GRK3: variants seen among roughly 807,000 people sequenced by gnomAD.
GRK3 encodes the protein G protein-coupled receptor kinase 3.
In GRK3, 54 loss-of-function variants were observed where a neutral mutation model predicts 95.7. The observed-to-expected ratio is 0.56, with a 90% confidence interval of 0.45 to 0.71. The LOEUF (loss-of-function observed/expected upper bound fraction) is 0.71. GRK3 is among the 30% of genes least tolerant of loss of function. The pLI, the probability that GRK3 is intolerant of heterozygous loss-of-function variation, is 0.00. For missense variants in GRK3, 649 were observed against 851.2 expected (o/e 0.76, Z 2.96); for synonymous variants, 281 against 290.8 (o/e 0.97, Z 0.34).
intron 5 of GRK3, among the ~76,000 whole-genome samples, chr22:25,666,215 G>A (rs748998958): frequency 2.5e-4 from 38 of 152,128 alleles, no homozygotes; most frequent in Admixed American, 3.3e-4. Flanking sequence ...TACTTTATTA[G>A]CAGAAAGTAG....
At chr22:25,568,422 A>G (rs1456823507) in intron 1 of GRK3, among the ~76,000 whole-genome samples, 3 of 152,156 alleles carry the variant, frequency 2.0e-5, no homozygotes, top group Non-Finnish European at 4.4e-5. Context: ...ATTTCTATTT[A>G]CTGGACATTT....
At chr22:25,701,582 C>T (rs1014763429) in intron 13 of GRK3, among the ~76,000 whole-genome samples, 3 of 152,166 alleles carry the variant, frequency 2.0e-5, no homozygotes, top group Non-Finnish European at 4.4e-5. Flanking sequence ...CAAGTCCCCT[C>T]GCAAGCCTCC....
intron 6 of GRK3, among the ~76,000 whole-genome samples, chr22:25,671,460 G>T (rs1405646492): frequency 1.3e-5 from 2 of 152,214 alleles, no homozygotes; most frequent in African/African-American, 2.4e-5. Flanking sequence ...CATGGATAAA[G>T]AAAACACTCA....
At chr22:25,640,404 C>A (rs558394860) in intron 2 of GRK3, among the ~76,000 whole-genome samples, 1 of 152,124 alleles carries the variant, frequency 6.6e-6, no homozygotes, top group South Asian at 2.1e-4. Context: ...AATCCGTAAG[C>A]GCTTTATTGG....
At chr22:25,672,431 A>G in intron 7 of GRK3, 84 bp downstream of exon 7, 1 of 756,934 alleles carries the variant, frequency 1.3e-6, no homozygotes, top group Non-Finnish European at 2.2e-6. Flanking sequence ...TGATTCTGGA[A>G]CGTACTCCCA....
At chr22:25,721,120 TG>T (rs2085429091) in intron 19 of GRK3, among the ~76,000 whole-genome samples, 163 bp from the exon 20 acceptor site, 7 of 152,238 alleles carry the variant, frequency 4.6e-5, no homozygotes, top group Admixed American at 4.6e-4. Flanking sequence ...AACTTTTGTT[TG>T]TGTTCCTTTA....
chr22:25,592,561 G>T (rs1055223218), intron 1 of GRK3, among the ~76,000 whole-genome samples: 8 of 151,492 alleles, frequency 5.3e-5, no homozygotes, highest in Non-Finnish European at 1.2e-4. Flanking sequence ...TAGTCACAAA[G>T]TTTTTTTTTA....
intron 1 of GRK3, among the ~76,000 whole-genome samples, chr22:25,600,201 C>A (rs184163418): frequency 7.6e-4 from 113 of 148,956 alleles, no homozygotes; most frequent in African/African-American, 2.8e-3. Context: ...GGCTGCAGTG[C>A]AGTGGCATGA....
intron 18 of GRK3, among the ~76,000 whole-genome samples, chr22:25,717,512 G>A (rs889336595): frequency 6.6e-6 from 1 of 152,150 alleles, no homozygotes; most frequent in Non-Finnish European, 1.5e-5. Context: ...CTTGTTCTCT[G>A]CTGAACCCAG....
intron 3 of GRK3, among the ~76,000 whole-genome samples, chr22:25,655,610 A>G (rs780151591): frequency 7.2e-5 from 11 of 151,806 alleles, no homozygotes; most frequent in Non-Finnish European, 1.3e-4. Flanking sequence ...TTTCATCTGG[A>G]CCATTATTTG....
chr22:25,617,907 G>T (rs2084552343), intron 2 of GRK3, among the ~76,000 whole-genome samples: 1 of 152,146 alleles, frequency 6.6e-6, no homozygotes, highest in Admixed American at 6.6e-5. Context: ...CTCCTGAGTA[G>T]CTGGGACTAC....
chr22:25,670,874 A>T (rs1168196209), intron 6 of GRK3, among the ~76,000 whole-genome samples: 1 of 134,538 alleles, frequency 7.4e-6, no homozygotes, highest in African/African-American at 3.0e-5. Context: ...CATCTCTACT[A>T]AAAATACAAA....
intron 13 of GRK3, among the ~76,000 whole-genome samples, chr22:25,700,938 T>C (rs746655683): frequency 3.3e-5 from 5 of 152,230 alleles, no homozygotes; most frequent in Non-Finnish European, 7.3e-5. Flanking sequence ...ATCACATAAT[T>C]TTTTGAACCC....
intron 1 of GRK3, among the ~76,000 whole-genome samples, chr22:25,571,289 A>G (rs1931692607): frequency 6.6e-6 from 1 of 152,226 alleles, no homozygotes; most frequent in Non-Finnish European, 1.5e-5. Context: ...TTCCACTGGC[A>G]GCTTGCTATG....
At chr22:25,628,480 A>C (rs2084642867) in intron 2 of GRK3, among the ~76,000 whole-genome samples, 1 of 152,228 alleles carries the variant, frequency 6.6e-6, no homozygotes, top group Non-Finnish European at 1.5e-5. Context: ...AGTTATGTAA[A>C]TTATGAGATG....
chr22:25,602,264 C>A (rs1416385694), intron 1 of GRK3, among the ~76,000 whole-genome samples: 1 of 152,096 alleles, frequency 6.6e-6, no homozygotes, highest in Non-Finnish European at 1.5e-5. Flanking sequence ...ATACAAAGTA[C>A]AATAAAATAC....
chr22:25,585,602 C>T (rs1244388753), intron 1 of GRK3, among the ~76,000 whole-genome samples: 2 of 152,198 alleles, frequency 1.3e-5, no homozygotes, highest in Non-Finnish European at 2.9e-5. Context: ...TTTACATTTA[C>T]TAAGCTTTTA....
At chr22:25,582,504 C>A (rs1357101834) in intron 1 of GRK3, among the ~76,000 whole-genome samples, 2 of 152,100 alleles carry the variant, frequency 1.3e-5, no homozygotes, top group Non-Finnish European at 1.5e-5. Context: ...GAGAATCATT[C>A]CAAATGAGAA....
At chr22:25,616,410 G>A (rs183214541) in intron 2 of GRK3, among the ~76,000 whole-genome samples, 211 of 152,046 alleles carry the variant, frequency 1.4e-3, no homozygotes, top group African/African-American at 4.8e-3. Flanking sequence ...GAGAGAGAAA[G>A]AGAGAGAGGC....
Sources: gnomAD v4.1 joint callset for allele counts (sites outside exome capture counted in the v4.1 genomes callset) on GRCh38, gnomAD v4.1.1 for gene constraint, MANE v1.5 for transcripts, NCBI Gene and HGNC (gene_info 2026-07-23, HGNC 2026-07-21) for gene names.